Variants in GALNTL6 observed in about 807,000 individuals in gnomAD.
GALNTL6 encodes polypeptide N-acetylgalactosaminyltransferase like 6.
Under a neutral mutation model 73.7 loss-of-function variants are expected in GALNTL6, and 46 were observed. That is an observed-to-expected ratio of 0.62 (90% CI 0.49 to 0.80). The LOEUF (loss-of-function observed/expected upper bound fraction) is 0.80. Among genes scored for constraint, GALNTL6 ranks in the 30% least tolerant of loss-of-function variants. The pLI, the probability that GALNTL6 is intolerant of heterozygous loss-of-function variation, is 0.00. For synonymous variants in GALNTL6, 259 were observed against 263.7 expected, an observed-to-expected ratio of 0.98 and a Z score of 0.17; for missense variants, 604 against 755.0, an observed-to-expected ratio of 0.80 and a Z score of 2.34.
At chr4:172,014,330 T>C (rs1008909038) in intron 2 of GALNTL6, among the ~76,000 whole-genome samples, 3 of 152,092 alleles carry the variant, frequency 2.0e-5, no homozygotes, top group Admixed American at 1.3e-4. Context: ...TAATTTTCAT[T>C]CCCACCAACA....
chr4:172,875,913 G>A (rs1476230566), intron 7 of GALNTL6, among the ~76,000 whole-genome samples: 3 of 152,118 alleles, frequency 2.0e-5, no homozygotes, highest in Non-Finnish European at 2.9e-5. Flanking sequence ...TGTTGATGTA[G>A]GCCTTTGGCA....
chr4:172,885,712 T>A (rs1180262418), intron 8 of GALNTL6, among the ~76,000 whole-genome samples: 1 of 152,220 alleles, frequency 6.6e-6, no homozygotes, highest in Non-Finnish European at 1.5e-5. Context: ...ATGGCTGTTA[T>A]CATATTGAGA....
chr4:171,907,382 C>G lies in GALNTL6; in HGVS notation c.138+92664C>G, dbSNP rs547079822. Among the ~76,000 whole-genome samples the G allele has an allele frequency of 3.4e-4, 52 of 152,238 alleles. 1 individual carries two copies. Among genetic ancestry groups the G allele is most frequent in the South Asian group, 2.7e-3 (13 of 4,830 alleles). ...AACAGAGAGCCAAATCATGAGTGAA[C>G]TCCCATTCACAATTGCTTCAAAGAG... On this transcript the variant is annotated intron_variant, in intron 2 of 12. Transcript: ENST00000506823.
chr4:173,028,600 G>C (rs1463818552), intron 12 of GALNTL6, among the ~76,000 whole-genome samples: 1 of 151,970 alleles, frequency 6.6e-6, no homozygotes, highest in Non-Finnish European at 1.5e-5. Flanking sequence ...TGTCTATATG[G>C]CCTGCCTAAT....
chr4:172,772,307 AGACAGG>A (rs1165048467), intron 5 of GALNTL6, among the ~76,000 whole-genome samples: 17 of 152,328 alleles, frequency 1.1e-4, no homozygotes, highest in African/African-American at 4.1e-4. Flanking sequence ...TATCCAAGGA[AGACAGG>A]ACTCCAGTCT....
chr4:172,091,780 C>T (rs1273810878), intron 2 of GALNTL6, among the ~76,000 whole-genome samples: 3 of 152,058 alleles, frequency 2.0e-5, no homozygotes, highest in Non-Finnish European at 4.4e-5. Context: ...TAATTTTGCT[C>T]ACAAAAGCAT....
intron 5 of GALNTL6, among the ~76,000 whole-genome samples, chr4:172,622,741 C>A (rs1174589142): frequency 6.6e-6 from 1 of 152,108 alleles, no homozygotes; most frequent in Non-Finnish European, 1.5e-5. Flanking sequence ...AAAGATGTGT[C>A]CAGAGGACTG....
intron 11 of GALNTL6, among the ~76,000 whole-genome samples, chr4:173,009,539 A>G (rs1035526845): frequency 3.3e-5 from 5 of 152,198 alleles, no homozygotes; most frequent in African/African-American, 1.2e-4. Context: ...TCTAAATATG[A>G]GAAAGGATGG....
At chr4:172,423,515 C>T (rs920071521) in intron 5 of GALNTL6, among the ~76,000 whole-genome samples, 28 of 151,990 alleles carry the variant, frequency 1.8e-4, no homozygotes, top group Admixed American at 1.1e-3. Context: ...TATCTGGAAG[C>T]CTCTTCTCCT....
At position 172,895,447 on chromosome 4, in the gene GALNTL6, T is replaced by C. The variant is rs532466470; in HGVS notation, c.1041+12540T>C. 5.9e-5 allele frequency among the ~76,000 whole-genome samples: 9 copies of C among 151,502 alleles called. No individual in the cohort carries two copies. The East Asian group carries it at 1.7e-3, about 29-fold the overall frequency. ...ACTCTGAATCTATGGTTCCACTCCC[T>C]GCAGGCCTGTAAGGTTTCTGCTAAG... On this transcript the variant is annotated intron_variant, in intron 8 of 12. Transcript: ENST00000506823.
rs566159520 is a variant in GALNTL6, at chr4:172,601,451, A to G, written c.554-207910A>G. Among the ~76,000 whole-genome samples, 4 of 152,218 alleles carry G rather than the reference A, an allele frequency of 2.6e-5. No individual in the cohort carries two copies. In the East Asian group the frequency reaches 5.8e-4, roughly 22 times the overall value. On this transcript the variant is annotated intron_variant, in intron 5 of 12. Transcript: ENST00000506823. ...GTGCTTGCTCTCACATGACTGGATA[A>G]ATCACTGAAAATAGGTTGTTATAAA...
chr4:173,020,323 A>C (rs371583796), intron 11 of GALNTL6, among the ~76,000 whole-genome samples: 1 of 152,240 alleles, frequency 6.6e-6, no homozygotes, highest in Non-Finnish European at 1.5e-5. Context: ...GATGGATATA[A>C]TAGAATGGTA....
At chr4:172,492,061 G>A (rs562800087) in intron 5 of GALNTL6, among the ~76,000 whole-genome samples, 8 of 148,250 alleles carry the variant, frequency 5.4e-5, no homozygotes, top group Non-Finnish European at 7.7e-5. Context: ...TGGGGAACAC[G>A]GAAGCGGTCT....
intron 2 of GALNTL6, among the ~76,000 whole-genome samples, chr4:172,213,285 A>C (rs1366612002): frequency 6.6e-6 from 1 of 152,144 alleles, no homozygotes; most frequent in Non-Finnish European, 1.5e-5. Context: ...AAATTTTCAA[A>C]CTAGTTAGGT....
Position 172,881,547 on chromosome 4 carries a change from A to G in GALNTL6, c.924-1243A>G, listed in dbSNP as rs528882131. Among the ~76,000 whole-genome samples the G allele has an allele frequency of 3.9e-5, 6 of 152,306 alleles. No homozygotes were observed. The South Asian group carries it at 8.3e-4, about 21-fold the overall frequency. ...ATATATAATACACTTAGACAGATTC[A>G]GGTTTATGTTCCCCAAGTGCTTCAT... is the stretch of plus-strand genomic sequence containing the variant. On this transcript the variant is annotated intron_variant, in intron 7 of 12. Transcript: ENST00000506823.
intron 7 of GALNTL6, among the ~76,000 whole-genome samples, chr4:172,880,466 A>G (rs6839484): frequency 0.64 from 96,519 of 151,888 alleles, 33,157 homozygotes; most frequent in East Asian, 0.9. Flanking sequence ...CAACTAATCT[A>G]CAGTGACAGA....
chr4:171,979,565 T>C (rs1739829232), intron 2 of GALNTL6, among the ~76,000 whole-genome samples: 3 of 152,186 alleles, frequency 2.0e-5, no homozygotes, highest in Admixed American at 6.5e-5. Context: ...GTAATTCCTA[T>C]AAATTTGGAG....
intron 7 of GALNTL6, among the ~76,000 whole-genome samples, chr4:172,837,007 C>A (rs1436534396): frequency 6.6e-6 from 1 of 152,078 alleles, no homozygotes; most frequent in Admixed American, 6.6e-5. Flanking sequence ...AGACTTTTAC[C>A]AATTATCAAA....
intron 5 of GALNTL6, among the ~76,000 whole-genome samples, chr4:172,488,073 A>T (rs527593704): frequency 6.6e-6 from 1 of 152,308 alleles, no homozygotes; most frequent in African/African-American, 2.4e-5. Flanking sequence ...CACATTTGGA[A>T]CTTAAGACTA....
Sources: allele counts gnomAD v4.1 joint callset (sites outside exome capture counted in the v4.1 genomes callset), GRCh38; gene constraint gnomAD v4.1.1; transcripts MANE v1.5; gene names NCBI Gene and HGNC (gene_info 2026-07-23, HGNC 2026-07-21).